LOXHD1: variants seen among roughly 807,000 people sequenced by gnomAD.
LOXHD1 encodes the protein lipoxygenase homology domain-containing protein 1.
A neutral mutation model predicts 248.2 loss-of-function variants in LOXHD1; 205 were observed. That is an observed-to-expected ratio of 0.83 (90% CI 0.74 to 0.93). LOXHD1 has a LOEUF of 0.93. LOXHD1 is among the 40% of genes least tolerant of loss of function. The pLI is 0.00. For missense variants in LOXHD1, 2,930 were observed against 2,971.6 expected (o/e 0.99, Z 0.33); for synonymous variants, 1,113 against 1,162.8 (o/e 0.96, Z 0.87).
chr18:46,650,323 T>A (rs2039092933), intron 1 of LOXHD1, among the ~76,000 whole-genome samples: 1 of 152,176 alleles, frequency 6.6e-6, no homozygotes, highest in African/African-American at 2.4e-5. Flanking sequence ...AAGATGGAAT[T>A]TACAATGTGG....
chr18:46,581,343 G>T (rs2037957731), intron 12 of LOXHD1, among the ~76,000 whole-genome samples: 1 of 152,188 alleles, frequency 6.6e-6, no homozygotes, highest in South Asian at 2.1e-4. Flanking sequence ...GAGAGAAGTT[G>T]CAGGTGACTC....
intron 4 of LOXHD1, among the ~76,000 whole-genome samples, chr18:46,636,115 T>C (rs1043158116): frequency 6.6e-5 from 10 of 152,204 alleles, no homozygotes; most frequent in African/African-American, 2.4e-4. Flanking sequence ...GCTGATCAGC[T>C]TCTGCCTCCT....
At chr18:46,577,270 A>G (rs1448394292) in intron 14 of LOXHD1, among the ~76,000 whole-genome samples, 2 of 152,256 alleles carry the variant, frequency 1.3e-5, no homozygotes, top group Non-Finnish European at 2.9e-5. Flanking sequence ...AAATTGCAGA[A>G]AGGAAAACAA....
intron 14 of LOXHD1, among the ~76,000 whole-genome samples, chr18:46,575,057 C>G (rs977045856): frequency 6.6e-6 from 1 of 152,214 alleles, no homozygotes; most frequent in African/African-American, 2.4e-5. Flanking sequence ...TGCTCTTATT[C>G]TCTGAATTCA....
chr18:46,477,325 G>T lies in LOXHD1; in HGVS notation c.*147C>A. ...GTAGGTTCAATAAACTGGGGGTAGG[G>T]TGGGGAGCAGGACCCCATGAAGTTC... On this transcript the variant is annotated 3_prime_UTR_variant, in exon 41 of 41. Transcript: ENST00000642948. 9.6e-7 allele frequency: 1 copy of T among 1,041,938 alleles called. No individual in the cohort carries two copies. Among genetic ancestry groups the T allele is most frequent in the Non-Finnish European group, 1.5e-6 (1 of 686,648 alleles). 64.5% of individuals were successfully genotyped at this position (1,041,938 alleles called of 1,614,324 possible). A position where few individuals can be genotyped will look rare whatever the true frequency, so the allele number is the denominator to read the frequency against.
chr18:46,532,073 C>A (rs573377824), intron 28 of LOXHD1, among the ~76,000 whole-genome samples: 1 of 152,168 alleles, frequency 6.6e-6, no homozygotes, highest in Non-Finnish European at 1.5e-5. Flanking sequence ...GACCTGTCTT[C>A]CTGTCTCCAT....
At chr18:46,645,089 C>T (rs1250159932) in intron 2 of LOXHD1, among the ~76,000 whole-genome samples, 1 of 152,200 alleles carries the variant, frequency 6.6e-6, no homozygotes, top group African/African-American at 2.4e-5. Flanking sequence ...TGATTCCCTT[C>T]ACTCAGGGTC....
chr18:46,611,572 C>A (rs1388659714), intron 5 of LOXHD1, among the ~76,000 whole-genome samples: 1 of 152,148 alleles, frequency 6.6e-6, no homozygotes, highest in East Asian at 1.9e-4. Context: ...TATTGTGTAT[C>A]TACAAATCTT....
At position 46,554,055 on chromosome 18, in the gene LOXHD1, G is replaced by A. The variant is rs574590794; in HGVS notation, c.3350+3301C>T. 2.7e-3 allele frequency among the ~76,000 whole-genome samples: 416 copies of A among 152,346 alleles called. 2 individuals are homozygous for A. Among genetic ancestry groups the A allele is most frequent in the African/African-American group, 9.4e-3 (389 of 41,564 alleles). ...TGGCTTTGACTCTGAGTGACCAGGA[G>A]CTTCTGCAGGATTTGGAGCAGAGGA... On this transcript the variant is annotated intron_variant, in intron 21 of 40. Coordinates refer to ENST00000642948, the MANE Select transcript of LOXHD1 (RefSeq NM_001384474.1).
intron 34 of LOXHD1, among the ~76,000 whole-genome samples, chr18:46,515,291 T>C (rs979736344): frequency 2.6e-5 from 4 of 152,210 alleles, no homozygotes; most frequent in African/African-American, 9.7e-5. Context: ...TGGGTCTTTC[T>C]ATCTATCTTC....
At chr18:46,522,013 A>C in intron 32 of LOXHD1, 88 bp downstream of exon 32, 46 of 800,092 alleles carry the variant, frequency 5.7e-5, no homozygotes, top group Non-Finnish European at 5.2e-5. Flanking sequence ...TGTTCTTCCC[A>C]CCCTGCACTC....
chr18:46,560,048 T>TGGCGGGC, intron 19 of LOXHD1, 35 bp downstream of exon 19: 1 of 1,226,298 alleles, frequency 8.2e-7, no homozygotes, highest in Non-Finnish European at 1.1e-6. Flanking sequence ...GTCTGGCCAC[T>TGGCGGGC]CCCTCCCCAC....
intron 29 of LOXHD1, 125 bp downstream of exon 29, chr18:46,529,052 C>T (rs1446866682): frequency 1.6e-5 from 19 of 1,212,366 alleles, no homozygotes; most frequent in Non-Finnish European, 1.9e-5. Context: ...GGGCAGAGGC[C>T]CAAATGAGTG....
intron 29 of LOXHD1, 102 bp downstream of exon 29, chr18:46,529,075 C>A (rs1055637967): frequency 2.4e-5 from 34 of 1,395,684 alleles, no homozygotes; most frequent in Non-Finnish European, 2.8e-5. Context: ...CACAATGCCC[C>A]ATGGAGTTCC....
At chr18:46,612,202 C>T (rs1031270827) in intron 5 of LOXHD1, among the ~76,000 whole-genome samples, 2 of 152,210 alleles carry the variant, frequency 1.3e-5, no homozygotes, top group Non-Finnish European at 2.9e-5. Context: ...ATGGACTCTT[C>T]TGTACCTATC....
chr18:46,596,751 C>T (rs903683907), intron 8 of LOXHD1, among the ~76,000 whole-genome samples: 14 of 152,084 alleles, frequency 9.2e-5, no homozygotes, highest in Non-Finnish European at 1.5e-4. Context: ...AAAACAAGAT[C>T]TTAAGAGCAT....
At chr18:46,546,250 A>C (rs1197512767) in intron 22 of LOXHD1, among the ~76,000 whole-genome samples, 2 of 151,418 alleles carry the variant, frequency 1.3e-5, no homozygotes, top group Non-Finnish European at 3.0e-5. Context: ...AGGGCACAAG[A>C]CTGAATCAGA....
intron 12 of LOXHD1, among the ~76,000 whole-genome samples, chr18:46,588,499 G>A (rs1946954426): frequency 6.6e-6 from 1 of 152,144 alleles, no homozygotes; most frequent in Non-Finnish European, 1.5e-5. Flanking sequence ...TTTTATACAT[G>A]TAACCTGTAG....
intron 21 of LOXHD1, among the ~76,000 whole-genome samples, chr18:46,550,538 A>G (rs2037051122): frequency 7.2e-6 from 1 of 139,734 alleles, no homozygotes; most frequent in African/African-American, 2.6e-5. Flanking sequence ...GCGCCACTGC[A>G]GTCCGCAGTC....
Sources: gnomAD v4.1 joint callset for allele counts (sites outside exome capture counted in the v4.1 genomes callset) on GRCh38, gnomAD v4.1.1 for gene constraint, MANE v1.5 for transcripts, NCBI Gene and HGNC (gene_info 2026-07-23, HGNC 2026-07-21) for gene names.